PDZRN4: variants seen among roughly 807,000 people sequenced by gnomAD.
The protein encoded by PDZRN4 is PDZ domain-containing RING finger protein 4.
A neutral mutation model predicts 99.0 loss-of-function variants in PDZRN4; 70 were observed. That is an observed-to-expected ratio of 0.71 (90% CI 0.58 to 0.86). The LOEUF is 0.86. Among genes scored for constraint, PDZRN4 ranks in the 40% least tolerant of loss-of-function variants. PDZRN4 has a pLI of 0.00. For synonymous variants in PDZRN4, 551 were observed against 501.6 expected (o/e 1.10, Z -1.32); for missense variants, 1,474 against 1,331.2 (o/e 1.11, Z -1.67).
chr12:41,508,938 G>A (rs2120681059), intron 4 of PDZRN4, among the ~76,000 whole-genome samples: 1 of 152,178 alleles, frequency 6.6e-6, no homozygotes, highest in Middle Eastern at 3.4e-3. Flanking sequence ...TTGTATTTAG[G>A]CTTTTTCAGT....
chr12:41,445,803 A>T (rs1952721674), intron 3 of PDZRN4, among the ~76,000 whole-genome samples: 1 of 152,100 alleles, frequency 6.6e-6, no homozygotes, highest in African/African-American at 2.4e-5. Context: ...TATTATTCTT[A>T]AAAAACTTCT....
Position 41,316,567 on chromosome 12 carries a change from C to T in PDZRN4, c.843+122379C>T, listed in dbSNP as rs537543507. On this transcript the variant is annotated intron_variant, in intron 3 of 9. Transcript: ENST00000402685. ...AGACACAACTAAATATTTATTATAACCTATGAAAATAATACAAATGTCTAT... is the reference window on the plus strand; with the variant it reads ...AGACACAACTAAATATTTATTATAATCTATGAAAATAATACAAATGTCTAT... Among the ~76,000 whole-genome samples the T allele has an allele frequency of 2.7e-5, 4 of 150,548 alleles. No homozygotes were observed. In the East Asian group the frequency reaches 7.8e-4, roughly 29 times the overall value.
rs747077314 is a variant in PDZRN4, at chr12:41,552,770, G to A, written c.1302+16G>A. ...TGTCAGCGAGGTAAGAAACGCCATG[G>A]AGGGGAAATTCGAGGAGGGAGACTA... On this transcript the variant is annotated intron_variant, in intron 6 of 9. Coordinates refer to ENST00000402685, the MANE Select transcript of PDZRN4 (RefSeq NM_001164595.2). 3.1e-6 allele frequency: 5 copies of A among 1,595,646 alleles called. No individual in the cohort carries two copies. The highest frequency in any genetic ancestry group is 4.3e-6 in the Non-Finnish European group (5 of 1,163,528).
chr12:41,403,022 G>C (rs190138507), intron 3 of PDZRN4, among the ~76,000 whole-genome samples: 5 of 152,000 alleles, frequency 3.3e-5, no homozygotes, highest in Admixed American at 1.3e-4. Flanking sequence ...ATTTGTAATT[G>C]TTCCTGTTTC....
At chr12:41,550,744 A>T (rs2120794279) in intron 5 of PDZRN4, among the ~76,000 whole-genome samples, 1 of 152,264 alleles carries the variant, frequency 6.6e-6, no homozygotes, top group East Asian at 1.9e-4. Context: ...AGAATAGAGG[A>T]TTTAAATTTA....
At chr12:41,392,645 C>G (rs534526921) in intron 3 of PDZRN4, among the ~76,000 whole-genome samples, 1 of 152,144 alleles carries the variant, frequency 6.6e-6, no homozygotes, top group Non-Finnish European at 1.5e-5. Context: ...ATAAAGTGAG[C>G]TATCACCTAT....
rs114981158 is a variant in PDZRN4, at chr12:41,303,965, C to G, written c.843+109777C>G. ...ACCTACTGTGAACAAGACACAAACT[C>G]TGGGCTCAAAAATCTCATGCTCTAG... On this transcript the variant is annotated intron_variant, in intron 3 of 9. Transcript: ENST00000402685. Among the ~76,000 whole-genome samples, 529 of 152,226 alleles carry G rather than the reference C, an allele frequency of 3.5e-3. 6 individuals are homozygous for G. The highest frequency in any genetic ancestry group is 0.012 in the African/African-American group (510 of 41,528).
At chr12:41,570,120 A>T (rs1592117711) in intron 9 of PDZRN4, among the ~76,000 whole-genome samples, 1 of 152,178 alleles carries the variant, frequency 6.6e-6, no homozygotes, top group Admixed American at 6.5e-5. Flanking sequence ...GGTAATACAA[A>T]TGTTAGGTCT....
intron 3 of PDZRN4, among the ~76,000 whole-genome samples, chr12:41,469,698 G>A (rs999216067): frequency 4.6e-5 from 7 of 152,122 alleles, no homozygotes; most frequent in Non-Finnish European, 7.4e-5. Flanking sequence ...TTGGGAGGCC[G>A]AGGGGGGCCG....
At position 41,188,518 on chromosome 12, in the gene PDZRN4, C is replaced by T; in HGVS notation, c.63C>T (p.Cys21=). ...AVDPALECKL[C]GQVLEEPLCT... ...ACCCGGCTCTGGAGTGCAAACTGTGCGGCCAGGTGCTTGAAGAGCCCCTGT... is the reference window on the plus strand; with the variant it reads ...ACCCGGCTCTGGAGTGCAAACTGTGTGGCCAGGTGCTTGAAGAGCCCCTGT... Residue 21 remains cysteine (C), a synonymous_variant, in exon 1 of 10, where the codon TGC becomes TGT. Transcript: ENST00000402685. 1.3e-6 allele frequency: 2 copies of T among 1,585,918 alleles called. No individual in the cohort carries two copies. The highest frequency in any genetic ancestry group is 1.1e-5 in the South Asian group (1 of 88,350).
At chr12:41,391,343 G>A (rs994903680) in intron 3 of PDZRN4, among the ~76,000 whole-genome samples, 1 of 152,136 alleles carries the variant, frequency 6.6e-6, no homozygotes, top group Non-Finnish European at 1.5e-5. Context: ...CAAAAAGCAT[G>A]AGTTATTTGA....
intron 3 of PDZRN4, among the ~76,000 whole-genome samples, chr12:41,228,122 G>A (rs1332467368): frequency 6.6e-6 from 1 of 152,076 alleles, no homozygotes; most frequent in Non-Finnish European, 1.5e-5. Flanking sequence ...GTGATATGGA[G>A]CCATAAAGAC....
chr12:41,294,415 T>G (rs1474527971), intron 3 of PDZRN4, among the ~76,000 whole-genome samples: 2 of 152,170 alleles, frequency 1.3e-5, no homozygotes, highest in African/African-American at 4.8e-5. Context: ...CTACTAATAA[T>G]TTTATATGAA....
chr12:41,253,515 A>C (rs1249054571), intron 3 of PDZRN4, among the ~76,000 whole-genome samples: 2 of 152,206 alleles, frequency 1.3e-5, no homozygotes, highest in Non-Finnish European at 2.9e-5. Flanking sequence ...GATGTGGAGA[A>C]AGGGGAACCC....
Position 41,188,881 on chromosome 12 carries a change from C to A in PDZRN4, c.426C>A (p.Gly142=), listed in dbSNP as rs1591960142. The change falls in exon 1 of 10, where the codon GGC becomes GGA. Residue 142 remains glycine (G), a synonymous_variant. Transcript: ENST00000402685. Reference sequence around the variant, plus strand: ...GTCCGACACCCAGGGCTGGCCGGGGCGGGGGCGCGCGCGGGGGGCCGCCGG... The same window carrying A: ...GTCCGACACCCAGGGCTGGCCGGGGAGGGGGCGCGCGCGGGGGGCCGCCGG... The part of the protein sequence containing the change: ...GCGPTPRAGR[G]GGARGGPPGG... 2.7e-6 allele frequency: 3 copies of A among 1,099,344 alleles called. No individual in the cohort carries two copies. Among genetic ancestry groups the A allele is most frequent in the East Asian group, 5.4e-5 (1 of 18,572 alleles). 68.1% of individuals were successfully genotyped at this position (1,099,344 alleles called of 1,614,324 possible).
intron 3 of PDZRN4, among the ~76,000 whole-genome samples, chr12:41,210,956 TTCTC>T (rs764971539): frequency 1.2e-4 from 18 of 152,022 alleles, no homozygotes; most frequent in Non-Finnish European, 1.5e-4. Flanking sequence ...TTTATAGCTC[TTCTC>T]TCTAAGTCAA....
intron 3 of PDZRN4, among the ~76,000 whole-genome samples, chr12:41,424,511 G>T (rs911155657): frequency 1.3e-5 from 2 of 151,992 alleles, no homozygotes; most frequent in Admixed American, 1.3e-4. Flanking sequence ...CACAAAATTG[G>T]TTGCTAGAAG....
At chr12:41,391,922 AT>A (rs1200207514) in intron 3 of PDZRN4, among the ~76,000 whole-genome samples, 1 of 152,194 alleles carries the variant, frequency 6.6e-6, no homozygotes, top group East Asian at 1.9e-4. Flanking sequence ...TTCAAATCCT[AT>A]TAAATCTTTC....
intron 3 of PDZRN4, among the ~76,000 whole-genome samples, chr12:41,265,271 G>A (rs895158860): frequency 6.6e-6 from 1 of 151,924 alleles, no homozygotes; most frequent in African/African-American, 2.4e-5. Flanking sequence ...TTACATGCAT[G>A]GTTTATAAAT....
Sources: gnomAD v4.1 joint callset for allele counts (sites outside exome capture counted in the v4.1 genomes callset) on GRCh38, gnomAD v4.1.1 for gene constraint, MANE v1.5 for transcripts, NCBI Gene and HGNC (gene_info 2026-07-23, HGNC 2026-07-21) for gene names.